ENPP6: variants seen among roughly 807,000 people sequenced by gnomAD.
ENPP6 encodes ectonucleotide pyrophosphatase/phosphodiesterase 6.
A neutral mutation model predicts 42.0 loss-of-function variants in ENPP6; 32 were observed. That is an observed-to-expected ratio of 0.76 (90% confidence interval 0.58 to 1.02). ENPP6 has a LOEUF of 1.02. Among genes scored for constraint, ENPP6 ranks in the 50% least tolerant of loss-of-function variants. ENPP6 has a pLI of 0.00. For synonymous variants in ENPP6, 213 were observed against 216.0 expected (o/e 0.99, Z 0.12); for missense variants, 552 against 566.8 (o/e 0.97, Z 0.27).
At chr4:184,149,374 C>G (rs770766447) in intron 2 of ENPP6, among the ~76,000 whole-genome samples, 10 of 152,226 alleles carry the variant, frequency 6.6e-5, no homozygotes, top group Non-Finnish European at 1.5e-4. Flanking sequence ...TGCATGCCTC[C>G]TATTATCCAG....
At chr4:184,151,700 C>G (rs1031157622) in intron 2 of ENPP6, among the ~76,000 whole-genome samples, 2 of 152,184 alleles carry the variant, frequency 1.3e-5, no homozygotes, top group Admixed American at 1.3e-4. Context: ...AATCCATTCC[C>G]TCTGCTATGC....
intron 1 of ENPP6, among the ~76,000 whole-genome samples, chr4:184,169,171 G>A (rs970330438): frequency 1.3e-5 from 2 of 152,306 alleles, no homozygotes; most frequent in South Asian, 2.1e-4. Context: ...ATTCAGGAGC[G>A]TCTGTGACCC....
At chr4:184,128,243 C>T (rs767816158) in intron 2 of ENPP6, among the ~76,000 whole-genome samples, 3 of 152,160 alleles carry the variant, frequency 2.0e-5, no homozygotes, top group Non-Finnish European at 2.9e-5. Flanking sequence ...TGCAGTGGCA[C>T]GATCTCGGGT....
chr4:184,118,285 T>A (rs905744213), intron 3 of ENPP6, among the ~76,000 whole-genome samples: 4 of 152,224 alleles, frequency 2.6e-5, no homozygotes, highest in Non-Finnish European at 4.4e-5. Context: ...CAGAGTGGGC[T>A]TACATGTAGG....
rs78621308 is a variant in ENPP6, at chr4:184,184,761, C to T, written c.242-31028G>A. Among the ~76,000 whole-genome samples, 634 of 152,206 alleles carry T rather than the reference C, an allele frequency of 4.2e-3. 3 individuals carry two copies. The highest frequency in any genetic ancestry group is 0.014 in the African/African-American group (586 of 41,518). On this transcript the variant is annotated intron_variant, in intron 1 of 7. Transcript: ENST00000296741. The surrounding 1 kb of genome is among the most constrained non-coding windows in gnomAD (Gnocchi z 4.7). ...GCCCAAAAAGGCCAAGGAATTCTGG[C>T]GGCACCAGCAGCTGGAGGACAGTCA...
At chr4:184,141,668 C>T (rs761896775) in intron 2 of ENPP6, among the ~76,000 whole-genome samples, 4 of 152,088 alleles carry the variant, frequency 2.6e-5, no homozygotes, top group African/African-American at 4.8e-5. Context: ...ATTCCCATCT[C>T]GGGCAGTCTT....
At chr4:184,109,813 A>T (rs1736169765) in intron 6 of ENPP6, among the ~76,000 whole-genome samples, 1 of 152,028 alleles carries the variant, frequency 6.6e-6, no homozygotes, top group African/African-American at 2.4e-5. Flanking sequence ...GCCCTTGCTA[A>T]CTGATGGTCT....
At chr4:184,165,518 G>T (rs1737333790) in intron 1 of ENPP6, among the ~76,000 whole-genome samples, 1 of 152,200 alleles carries the variant, frequency 6.6e-6, no homozygotes, top group African/African-American at 2.4e-5. Flanking sequence ...TCGTAAGTCA[G>T]GCCTGATTCT....
At chr4:184,124,756 C>T (rs1255452995) in intron 2 of ENPP6, among the ~76,000 whole-genome samples, 2 of 152,142 alleles carry the variant, frequency 1.3e-5, no homozygotes, top group Admixed American at 6.5e-5. Flanking sequence ...GCTAACTGGA[C>T]TTAGAGGTAC....
At chr4:184,140,054 CTG>C (rs1402132792) in intron 2 of ENPP6, among the ~76,000 whole-genome samples, 1 of 149,224 alleles carries the variant, frequency 6.7e-6, no homozygotes, top group Admixed American at 6.7e-5. Flanking sequence ...GCCATTCTAA[CTG>C]GGGTGAGATG....
intron 1 of ENPP6, among the ~76,000 whole-genome samples, chr4:184,201,897 C>T (rs1732910683): frequency 1.3e-5 from 2 of 152,118 alleles, no homozygotes; most frequent in African/African-American, 4.8e-5. Context: ...TGTTAGGTGT[C>T]TCTGGGAAGT....
At chr4:184,204,290 C>A (rs17075466) in intron 1 of ENPP6, among the ~76,000 whole-genome samples, 7,863 of 152,236 alleles carry the variant, frequency 0.052, 681 homozygotes, top group African/African-American at 0.18. Flanking sequence ...TAGCCCATAA[C>A]GTGGCCTGAT....
intron 1 of ENPP6, among the ~76,000 whole-genome samples, chr4:184,195,104 T>G (rs1227844580): frequency 6.6e-6 from 1 of 152,206 alleles, no homozygotes; most frequent in Non-Finnish European, 1.5e-5. Flanking sequence ...TTCTAATTTT[T>G]TATTTATTTT....
intron 5 of ENPP6, among the ~76,000 whole-genome samples, chr4:184,115,953 C>A (rs761257785): frequency 6.6e-6 from 1 of 152,114 alleles, no homozygotes; most frequent in African/African-American, 2.4e-5. Context: ...CGGTGGTTCA[C>A]GCCTGTAATC....
At chr4:184,129,230 AC>A (rs1736554158) in intron 2 of ENPP6, among the ~76,000 whole-genome samples, 1 of 151,234 alleles carries the variant, frequency 6.6e-6, no homozygotes, top group African/African-American at 2.4e-5. Context: ...AGTTTTGAAA[AC>A]TTTTTGTCTG....
intron 2 of ENPP6, among the ~76,000 whole-genome samples, chr4:184,131,176 T>C (rs1736609481): frequency 1.7e-5 from 1 of 60,288 alleles, no homozygotes; most frequent in Non-Finnish European, 3.4e-5. Context: ...TTTCTTTCTT[T>C]CTTTCTTTCT....
intron 1 of ENPP6, among the ~76,000 whole-genome samples, chr4:184,212,804 A>G (rs1189897234): frequency 6.6e-6 from 1 of 152,068 alleles, no homozygotes; most frequent in Non-Finnish European, 1.5e-5. Flanking sequence ...CAAAAGAACA[A>G]AGCTGGAGGC....
intron 2 of ENPP6, among the ~76,000 whole-genome samples, chr4:184,139,520 C>G (rs1372223432): frequency 2.3e-5 from 3 of 129,998 alleles, no homozygotes; most frequent in Non-Finnish European, 4.8e-5. Flanking sequence ...CCCCACCCCA[C>G]AATAGTCCGC....
chr4:184,156,912 C>T (rs1301479569), intron 1 of ENPP6, among the ~76,000 whole-genome samples: 1 of 152,220 alleles, frequency 6.6e-6, no homozygotes, highest in Middle Eastern at 3.2e-3. Context: ...AATGGCTGGC[C>T]TTCACATCTC....
Sources: allele counts gnomAD v4.1 joint callset (sites outside exome capture counted in the v4.1 genomes callset), GRCh38; gene constraint gnomAD v4.1.1; non-coding constraint Gnocchi (gnomAD v3.1); transcripts MANE v1.5; gene names NCBI Gene and HGNC (gene_info 2026-07-23, HGNC 2026-07-21).